Variants in THSD7B observed in about 807,000 individuals in gnomAD.
The protein encoded by THSD7B is thrombospondin type 1 domain containing 7B.
In THSD7B, 138 loss-of-function variants were observed where a neutral mutation model predicts 213.6. The ratio of observed to expected loss-of-function variants is 0.65; its 90% CI spans 0.56 to 0.74. The LOEUF (loss-of-function observed/expected upper bound fraction) is 0.74. Ranked by LOEUF, THSD7B falls within the 30% of genes least tolerant of loss-of-function variation. The pLI is 0.00. For synonymous variants in THSD7B, 742 were observed against 687.0 expected, an observed-to-expected ratio of 1.08 and a Z score of -1.25; for missense variants, 1,931 against 1,991.5, an observed-to-expected ratio of 0.97 and a Z score of 0.58.
At chr2:137,171,090 G>T (rs967537393) in intron 7 of THSD7B, among the ~76,000 whole-genome samples, 152 bp downstream of exon 7, 1 of 152,146 alleles carries the variant, frequency 6.6e-6, no homozygotes, top group Non-Finnish European at 1.5e-5. Flanking sequence ...ACACATTGCT[G>T]CAAAGTAAGG....
chr2:137,305,808 G>C (rs1044912011), intron 12 of THSD7B, among the ~76,000 whole-genome samples: 1 of 152,018 alleles, frequency 6.6e-6, no homozygotes, highest in African/African-American at 2.4e-5. Flanking sequence ...GAACATCATA[G>C]AGTGTACTTA....
At chr2:137,583,010 T>C in intron 17 of THSD7B, among the ~76,000 whole-genome samples, 1 of 152,244 alleles carries the variant, frequency 6.6e-6, no homozygotes, top group East Asian at 1.9e-4. Flanking sequence ...TGTTGTTTCC[T>C]GACTTTTTGA....
intron 2 of THSD7B, among the ~76,000 whole-genome samples, chr2:137,036,314 G>A (rs1473598707): frequency 6.6e-6 from 1 of 152,142 alleles, no homozygotes; most frequent in African/African-American, 2.4e-5. Flanking sequence ...ATGTCAACAT[G>A]TATAATCTTT....
At chr2:137,177,053 T>C (rs996618671) in intron 7 of THSD7B, among the ~76,000 whole-genome samples, 1 of 152,202 alleles carries the variant, frequency 6.6e-6, no homozygotes, top group Non-Finnish European at 1.5e-5. Context: ...ATGTTGATGA[T>C]AGTTTTTAAA....
At chr2:137,399,809 T>C (rs930505751) in intron 12 of THSD7B, among the ~76,000 whole-genome samples, 1 of 152,164 alleles carries the variant, frequency 6.6e-6, no homozygotes, top group Non-Finnish European at 1.5e-5. Context: ...TTTATTTTTC[T>C]TCTCCCTCAG....
chr2:137,213,609 G>C (rs1681171205), intron 7 of THSD7B, among the ~76,000 whole-genome samples: 1 of 151,468 alleles, frequency 6.6e-6, no homozygotes, highest in Non-Finnish European at 1.5e-5. Context: ...TTAATTCATA[G>C]TAAAATAAAA....
At chr2:136,804,308 T>C (rs1278776427) in intron 1 of THSD7B, among the ~76,000 whole-genome samples, 1 of 152,112 alleles carries the variant, frequency 6.6e-6, no homozygotes, top group Non-Finnish European at 1.5e-5. Context: ...TTAATGTGTC[T>C]ATATAGAGGT....
Position 137,057,199 on chromosome 2 carries a change from A to G in THSD7B, c.919A>G (p.Thr307Ala), listed in dbSNP as rs1393591370. Residue 307 changes from threonine to alanine, a missense_variant, in exon 3 of 28, where the codon ACA becomes GCA. Coordinates refer to ENST00000409968, the MANE Select transcript of THSD7B (RefSeq NM_001316349.2). The stretch of plus-strand genomic sequence containing the variant: ...TTATCAAACCCGGCAGGTTTCGTGT[A>G]CAAGAAGTGATGGACAAAATGCTAT... ...IGYQTRQVSC[T>A]RSDGQNAMLS... is the part of the protein sequence containing the mutation. The G allele has an allele frequency of 6.2e-7, 1 of 1,613,376 alleles. No homozygotes were observed. The highest frequency in any genetic ancestry group is 8.5e-7 in the Non-Finnish European group (1 of 1,179,574).
In THSD7B at chr2:137,553,697, G is replaced by A. The variant is rs1465485885; in HGVS notation, c.3139-9524G>A. On this transcript the variant is annotated intron_variant, in intron 15 of 27. Transcript: ENST00000409968. ...CCTTGTTATTTTTTCCCTAATTTGT[G>A]CCATTCAGAAATAGATTTCATTTAA... Among the ~76,000 whole-genome samples, 8 of 152,064 alleles carry A rather than the reference G, an allele frequency of 5.3e-5. No individual in the cohort carries two copies. The East Asian group carries it at 1.5e-3, about 29-fold the overall frequency.
At chr2:137,558,037 C>A (rs1681018798) in intron 15 of THSD7B, among the ~76,000 whole-genome samples, 3 of 152,144 alleles carry the variant, frequency 2.0e-5, no homozygotes, top group Admixed American at 6.5e-5. Context: ...CCTCAATAGA[C>A]CAATAACAGG....
chr2:137,648,711 T>G (rs1235484302), intron 21 of THSD7B, among the ~76,000 whole-genome samples: 1 of 152,138 alleles, frequency 6.6e-6, no homozygotes, highest in East Asian at 1.9e-4. Context: ...CCTCTTCAAT[T>G]TATTGATCTC....
chr2:137,076,010 C>G (rs111788035), intron 3 of THSD7B, among the ~76,000 whole-genome samples: 14,779 of 152,208 alleles, frequency 0.097, 987 homozygotes, highest in African/African-American at 0.19. Context: ...GGGGGTGCCT[C>G]CCAGTTAGGC....
At chr2:137,537,230 A>G (rs1452612536) in intron 15 of THSD7B, among the ~76,000 whole-genome samples, 1 of 151,794 alleles carries the variant, frequency 6.6e-6, no homozygotes, top group Non-Finnish European at 1.5e-5. Context: ...TATCATGTGA[A>G]CATTGTTCAT....
At chr2:137,592,601 C>T (rs1310932237) in intron 17 of THSD7B, among the ~76,000 whole-genome samples, 9 of 151,816 alleles carry the variant, frequency 5.9e-5, no homozygotes, top group African/African-American at 1.4e-4. Context: ...TCAGTGATTA[C>T]GGGATGCATC....
intron 14 of THSD7B, among the ~76,000 whole-genome samples, chr2:137,412,311 C>T (rs112731608): frequency 0.014 from 2,058 of 151,482 alleles, 40 homozygotes; most frequent in African/African-American, 0.047. Flanking sequence ...AAAGTTTTAC[C>T]GTATAAAGGC....
intron 7 of THSD7B, among the ~76,000 whole-genome samples, chr2:137,229,269 T>G (rs1681585267): frequency 6.6e-6 from 1 of 152,174 alleles, no homozygotes; most frequent in African/African-American, 2.4e-5. Flanking sequence ...TTCACAAGTG[T>G]GGAAATTAAA....
intron 2 of THSD7B, among the ~76,000 whole-genome samples, chr2:136,912,599 T>C (rs1008747420): frequency 6.6e-6 from 1 of 152,162 alleles, no homozygotes; most frequent in Non-Finnish European, 1.5e-5. Context: ...CTCCCAGAAT[T>C]CCCACGTGTT....
At chr2:136,800,421 G>A (rs1444484974) in intron 1 of THSD7B, among the ~76,000 whole-genome samples, 1 of 151,946 alleles carries the variant, frequency 6.6e-6, no homozygotes. Context: ...CTTACAGTAA[G>A]TATCCATCAG....
chr2:136,974,151 A>C (rs1003650849), intron 2 of THSD7B, among the ~76,000 whole-genome samples: 7 of 152,172 alleles, frequency 4.6e-5, no homozygotes, highest in African/African-American at 1.7e-4. Flanking sequence ...CTTATGATTC[A>C]AAAATGCTTT....
Sources: gnomAD v4.1 joint callset for allele counts (sites outside exome capture counted in the v4.1 genomes callset) on GRCh38, gnomAD v4.1.1 for gene constraint, MANE v1.5 for transcripts, NCBI Gene and HGNC (gene_info 2026-07-23, HGNC 2026-07-21) for gene names.